TET2: variants seen among roughly 807,000 people sequenced by gnomAD.
TET2 encodes the protein tet methylcytosine dioxygenase 2, also known as methylcytosine dioxygenase TET2.
In TET2, 299 loss-of-function variants were observed where a neutral mutation model predicts 142.9. The ratio of observed to expected loss-of-function variants is 2.09; its 90% confidence interval spans 1.90 to 2.30. TET2 has a LOEUF of 2.30. Among genes scored for constraint, TET2 ranks in the 30% most tolerant of loss-of-function variants. TET2 has a pLI of 0.00. For synonymous variants in TET2, 819 were observed against 849.0 expected, an observed-to-expected ratio of 0.96 and a Z score of 0.61; for missense variants, 2,418 against 2,378.0, an observed-to-expected ratio of 1.02 and a Z score of -0.35.
rs1728755469 is a variant in TET2 at position 105,235,009 on chromosome 4, C to T, written c.1067C>T (p.Ser356Phe). 1 of 1,614,078 alleles carries T rather than the reference C, an allele frequency of 6.2e-7. No homozygotes were observed. Among genetic ancestry groups the T allele is most frequent in the South Asian group, 1.1e-5 (1 of 91,072 alleles). ...TCTGGTGAAGAATTCTGTTCAGGTTCCAGCAGCAATTTGCAAGCTCCTGGT... is the reference window on the plus strand; with the variant it reads ...TCTGGTGAAGAATTCTGTTCAGGTTTCAGCAGCAATTTGCAAGCTCCTGGT... Reference protein sequence around the residue: ...LASGEEFCSGSSSNLQAPGGS... With the variant: ...LASGEEFCSGFSSNLQAPGGS... Residue 356 changes from serine to phenylalanine, a missense_variant, in exon 3 of 11, where the codon TCC becomes TTC. Ser to Phe is a radical substitution (Grantham distance 155). Transcript: ENST00000380013.
chr4:105,277,081 G>A lies in TET2; in HGVS notation c.*562G>A, dbSNP rs1158340915. On this transcript the variant is annotated 3_prime_UTR_variant, in exon 11 of 11. Transcript: ENST00000380013. ...TAGCTACAGGAAACATGAATAGCAGGAAAACACTGAATTTGTTTGGATGTT... is the reference window on the plus strand; with the variant it reads ...TAGCTACAGGAAACATGAATAGCAGAAAAACACTGAATTTGTTTGGATGTT... The A allele has an allele frequency of 8.6e-6, 2 of 232,120 alleles. No individual in the cohort carries two copies. Among genetic ancestry groups the A allele is most frequent in the Non-Finnish European group, 1.7e-5 (2 of 117,570 alleles). The allele number at this position is 232,120 out of a possible 1,614,324, so 14.4% of individuals were successfully genotyped here. A position where few individuals can be genotyped will look rare whatever the true frequency, so the allele number is the denominator to read the frequency against.
intron 1 of TET2, among the ~76,000 whole-genome samples, chr4:105,150,792 A>T (rs774173898): frequency 6.6e-6 from 1 of 152,116 alleles, no homozygotes; most frequent in Non-Finnish European, 1.5e-5. Context: ...TTATTGAAGG[A>T]GGTTATGCAG....
intron 10 of TET2, among the ~76,000 whole-genome samples, chr4:105,274,289 A>G (rs1245753365): frequency 6.6e-6 from 1 of 152,258 alleles, no homozygotes; most frequent in Non-Finnish European, 1.5e-5. Flanking sequence ...AGGTCAAAAC[A>G]GAAGTATGAC....
At chr4:105,205,082 A>G (rs1212322299) in intron 2 of TET2, among the ~76,000 whole-genome samples, 1 of 152,200 alleles carries the variant, frequency 6.6e-6, no homozygotes, top group African/African-American at 2.4e-5. Flanking sequence ...TACTATAGCT[A>G]TAGCCAATGC....
chr4:105,236,583 A>T lies in TET2; in HGVS notation c.2641A>T (p.Arg881Trp), dbSNP rs140387350. ...NVIPKQDLLH[R>W]CFQEQEQKSQ... ...GATCCCAAAGCAAGATCTTCTTCAC[A>T]GGTGCTTTCAAGAACAGGAGCAGAA... Residue 881 changes from arginine (R) to tryptophan (W), a missense_variant, in exon 3 of 11, where the codon AGG becomes TGG. Transcript: ENST00000380013. 3.7e-6 allele frequency: 6 copies of T among 1,614,134 alleles called. No homozygotes were observed. In the East Asian group the frequency reaches 1.1e-4, roughly 30 times the overall value.
intron 6 of TET2, among the ~76,000 whole-genome samples, chr4:105,244,586 GT>G (rs566674796): frequency 0.016 from 1,064 of 66,546 alleles, 6 homozygotes; most frequent in African/African-American, 0.039. Context: ...ACACAGAAAT[GT>G]TTTTTTTTTT....
intron 8 of TET2, among the ~76,000 whole-genome samples, chr4:105,264,807 T>C (rs182404369): frequency 2.0e-5 from 3 of 152,318 alleles, no homozygotes; most frequent in East Asian, 3.9e-4. Flanking sequence ...TTTGATGTTA[T>C]AGATGCTGTC....
At chr4:105,149,440 T>C (rs996614068) in intron 1 of TET2, among the ~76,000 whole-genome samples, 6 of 152,240 alleles carry the variant, frequency 3.9e-5, no homozygotes, top group African/African-American at 1.4e-4. Flanking sequence ...ATGTGTATGT[T>C]AGTCACTTTA....
intron 2 of TET2, among the ~76,000 whole-genome samples, chr4:105,194,266 A>G (rs1278254493): frequency 1.3e-5 from 2 of 152,172 alleles, no homozygotes; most frequent in Non-Finnish European, 2.9e-5. Flanking sequence ...TTCTCATGAA[A>G]CAGATCTAAC....
At chr4:105,269,493 T>G (rs1306572727) in intron 8 of TET2, 117 bp from the exon 9 acceptor site, 1 of 1,068,228 alleles carries the variant, frequency 9.4e-7, no homozygotes, top group Non-Finnish European at 1.3e-6. Flanking sequence ...TGTTTCTGGA[T>G]ATATATTTAA....
intron 1 of TET2, among the ~76,000 whole-genome samples, chr4:105,175,500 A>G (rs1002337927): frequency 5.9e-5 from 9 of 152,306 alleles, no homozygotes; most frequent in African/African-American, 1.9e-4. Flanking sequence ...AGTTAAGGAT[A>G]TGATAATAGG....
Position 105,236,957 on chromosome 4 carries a change from G to C in TET2, c.3015G>C (p.Lys1005Asn). ...CACCAGAAAACAAAACATGGAAAAAGGTAACTAAGCAAGAGAATCCACCTG... is the reference window on the plus strand; with the variant it reads ...CACCAGAAAACAAAACATGGAAAAACGTAACTAAGCAAGAGAATCCACCTG... The part of the protein sequence containing the change: ...TAPPENKTWK[K>N]VTKQENPPAS... The change falls in exon 3 of 11, where the codon AAG becomes AAC. Residue 1005 changes from lysine to asparagine, a missense_variant. Coordinates refer to ENST00000380013, the MANE Select transcript of TET2 (RefSeq NM_001127208.3). The C allele has an allele frequency of 6.2e-7, 1 of 1,614,076 alleles. No individual in the cohort carries two copies. Among genetic ancestry groups the C allele is most frequent in the Non-Finnish European group, 8.5e-7 (1 of 1,180,018 alleles).
intron 6 of TET2, among the ~76,000 whole-genome samples, chr4:105,257,252 A>T (rs1184974947): frequency 6.6e-6 from 1 of 152,188 alleles, no homozygotes; most frequent in Non-Finnish European, 1.5e-5. Context: ...TGGGCAGCAT[A>T]GTGAGACCCT....
In TET2 at chr4:105,170,178, T is replaced by C. The variant is rs907860188; in HGVS notation, c.-192-20182T>C. On this transcript the variant is annotated intron_variant, in intron 1 of 10. Transcript: ENST00000380013. Reference sequence around the variant, plus strand: ...ACCCTTGGCAAAGTGTTTCTGCTTTTCTTAAACAATTTTTATTGTCTGCTT... The same window carrying C: ...ACCCTTGGCAAAGTGTTTCTGCTTTCCTTAAACAATTTTTATTGTCTGCTT... Among the ~76,000 whole-genome samples, 4 of 152,340 alleles carry C rather than the reference T, an allele frequency of 2.6e-5. No homozygotes were observed. The East Asian group carries it at 7.7e-4, about 29-fold the overall frequency.
At chr4:105,162,178 GTGA>G (rs1313279108) in intron 1 of TET2, among the ~76,000 whole-genome samples, 1 of 152,158 alleles carries the variant, frequency 6.6e-6, no homozygotes, top group Non-Finnish European at 1.5e-5. Context: ...AGCTTGCTTG[GTGA>G]TGATAACATT....
At chr4:105,260,510 T>C (rs957559218) in intron 7 of TET2, among the ~76,000 whole-genome samples, 1 of 152,140 alleles carries the variant, frequency 6.6e-6, no homozygotes, top group Non-Finnish European at 1.5e-5. Context: ...TCCGTACTAA[T>C]TGAATGATGA....
intron 3 of TET2, 140 bp from the exon 4 acceptor site, chr4:105,241,199 C>G (rs773100016): frequency 2.3e-6 from 3 of 1,327,822 alleles, no homozygotes; most frequent in Admixed American, 3.5e-5. Context: ...GTCCATCAAT[C>G]TACTCATTTT....
intron 1 of TET2, among the ~76,000 whole-genome samples, chr4:105,158,066 A>G (rs888517790): frequency 2.0e-5 from 3 of 152,248 alleles, no homozygotes; most frequent in African/African-American, 7.2e-5. Context: ...TTTTATGGAC[A>G]TCAACTAATT....
chr4:105,242,807 G>T, intron 4 of TET2, 27 bp from the exon 5 acceptor site: 4 of 1,546,918 alleles, frequency 2.6e-6, no homozygotes, highest in Non-Finnish European at 3.5e-6. Flanking sequence ...AATTGTATGT[G>T]TGTGTGTTTC....
Sources: allele counts gnomAD v4.1 joint callset (sites outside exome capture counted in the v4.1 genomes callset), GRCh38; gene constraint gnomAD v4.1.1; transcripts MANE v1.5; gene names NCBI Gene and HGNC (gene_info 2026-07-23, HGNC 2026-07-21).